The following PRG2 variants were observed in gnomAD, a reference collection of about 807,000 sequenced individuals.
PRG2 encodes proteoglycan 2, pro eosinophil major basic protein, also known as bone marrow proteoglycan.
Under a neutral mutation model 24.7 loss-of-function variants are expected in PRG2, and 23 were observed. The observed-to-expected ratio is 0.93, with a 90% CI of 0.67 to 1.32. PRG2 has a LOEUF of 1.32. PRG2 is among the 40% of genes most tolerant of loss of function. The pLI is 0.00. For missense variants in PRG2, 271 were observed against 280.9 expected (o/e 0.96, Z 0.25); for synonymous variants, 104 against 99.8 (o/e 1.04, Z -0.25).
At chr11:57,388,936 G>A (rs965899511) in intron 3 of PRG2, 74 bp downstream of exon 3, 13 of 1,535,718 alleles carry the variant, frequency 8.5e-6, no homozygotes, top group Non-Finnish European at 1.1e-5. Flanking sequence ...AAAAGAGCCA[G>A]TGATAGCAAT....
rs1372390113 is a variant in PRG2 at position 57,388,699 on chromosome 11, G to A, written c.376C>T (p.Arg126Trp). The change falls in exon 4 of 6, where the codon CGG becomes TGG. Residue 126 changes from arginine to tryptophan, a missense_variant. Physicochemically the swap from Arg to Trp is moderately radical, Grantham distance 101 (BLOSUM62 -3). Transcript: ENST00000311862. ...ACCAGGTTGCCCCTGTAGCACCTCC[G>A]GCAAGTAAACTACAGGGCAGGATAA... ...QTFSQAWFTC[R>W]RCYRGNLVSI... 17 of 1,613,840 alleles carry A rather than the reference G, an allele frequency of 1.1e-5. No homozygotes were observed. The highest frequency in any genetic ancestry group is 8.9e-5 in the East Asian group (4 of 44,886).
Position 57,389,313 on chromosome 11 carries a change from A to G in PRG2, c.63T>C (p.Ser21=). ...FGAVSALHLR[S]ETSTFETPLG... The stretch of plus-strand genomic sequence containing the variant: ...AAGGGGTCTCAAAGGTGGAAGTCTC[A>G]GACCCTGGCAGGGAGGATAGCTAAG... The change falls in exon 3 of 6, where the codon TCT becomes TCC. Residue 21 remains serine, a synonymous_variant. Coordinates refer to ENST00000311862, the MANE Select transcript of PRG2 (RefSeq NM_002728.6). 1 of 1,610,646 alleles carries G rather than the reference A, an allele frequency of 6.2e-7. No individual in the cohort carries two copies. The highest frequency in any genetic ancestry group is 2.2e-5 in the East Asian group (1 of 44,872).
At chr11:57,390,255 C>T (rs941683579) in intron 1 of PRG2, among the ~76,000 whole-genome samples, 1 of 152,076 alleles carries the variant, frequency 6.6e-6, no homozygotes. Context: ...TTAATGGGTC[C>T]CTCAGAGTCT....
rs972250787 is a variant in PRG2 at position 57,386,951 on chromosome 11, G to A, written c.*524C>T. The A allele has an allele frequency of 1.3e-5, 2 of 152,330 alleles. No homozygotes were observed. Among genetic ancestry groups the A allele is most frequent in the African/African-American group, 2.4e-5 (1 of 41,438 alleles). 9.4% of individuals were successfully genotyped at this position (152,330 alleles called of 1,614,324 possible). A position where few individuals can be genotyped will look rare whatever the true frequency, so the allele number is the denominator to read the frequency against. On this transcript the variant is annotated 3_prime_UTR_variant, in exon 6 of 6. Coordinates refer to ENST00000311862, the MANE Select transcript of PRG2 (RefSeq NM_002728.6). Reference sequence around the variant, plus strand: ...GATTTATTCCACTTGAGGGGCCGGGGATTGCGGTACTTATACATTCATTCC... The same window carrying A: ...GATTTATTCCACTTGAGGGGCCGGGAATTGCGGTACTTATACATTCATTCC...
At position 57,389,043 on chromosome 11, in the gene PRG2, C is replaced by G; in HGVS notation, c.333G>C (p.Leu111=). The G allele has an allele frequency of 6.2e-7, 1 of 1,614,116 alleles. No individual in the cohort carries two copies. The change falls in exon 3 of 6, where the codon CTG becomes CTC. Residue 111 remains leucine, a synonymous_variant. Coordinates refer to ENST00000311862, the MANE Select transcript of PRG2 (RefSeq NM_002728.6). ...IPGCQTCRYL[L]VRSLQTFSQA... is the part of the protein sequence containing the mutation. ...GACTAAACGTCTGAAGACTTCTCAC[C>G]AGGAGGTAGCGGCAGGTCTGGCACC...
Position 57,387,435 on chromosome 11 carries a change from C to G in PRG2, c.*40G>C. On this transcript the variant is annotated 3_prime_UTR_variant, in exon 6 of 6. Transcript: ENST00000311862. ...GCAAGCAGAGGAGGGGAGGCAGCTG[C>G]CCAGGAGAGGGCAGCTCTGAACTGC... is the stretch of plus-strand genomic sequence containing the variant. The G allele has an allele frequency of 2.5e-6, 4 of 1,583,940 alleles. No individual in the cohort carries two copies. Among genetic ancestry groups the G allele is most frequent in the Non-Finnish European group, 3.5e-6 (4 of 1,158,322 alleles).
intron 1 of PRG2, 111 bp from the exon 2 acceptor site, chr11:57,390,067 A>ATTTCT: frequency 1.1e-6 from 1 of 908,162 alleles, no homozygotes; most frequent in Non-Finnish European, 1.7e-6. Flanking sequence ...AGAAGGCCTG[A>ATTTCT]ATAGAAATCA....
intron 3 of PRG2, 103 bp from the exon 4 acceptor site, chr11:57,388,811 C>T: frequency 6.6e-7 from 1 of 1,519,318 alleles, no homozygotes; most frequent in South Asian, 1.3e-5. Flanking sequence ...CTGCCACAAC[C>T]ATTTGAAGGT....
intron 4 of PRG2, 27 bp downstream of exon 4, chr11:57,388,550 C>G (rs760953426): frequency 1.2e-6 from 2 of 1,612,444 alleles, no homozygotes; most frequent in Non-Finnish European, 1.7e-6. Context: ...GCAGGTGCAC[C>G]CCATTTAGTG....
At position 57,387,331 on chromosome 11, in the gene PRG2, A is replaced by T; in HGVS notation, c.*144T>A. On this transcript the variant is annotated 3_prime_UTR_variant, in exon 6 of 6. Transcript: ENST00000311862. ...AGAAGTTTCAATGAGGGCTAAGCAG[A>T]GTGGATCCGCGATCAGAGGAGAAAA... The T allele has an allele frequency of 2.8e-6, 2 of 705,486 alleles. No homozygotes were observed. The highest frequency in any genetic ancestry group is 4.8e-6 in the Non-Finnish European group (2 of 412,836). The allele number at this position is 705,486 out of a possible 1,614,324, so 43.7% of individuals were successfully genotyped here.
chr11:57,388,579 A>G lies in PRG2; in HGVS notation c.496T>C (p.Ser166Pro), dbSNP rs1203871800. 16 of 1,613,826 alleles carry G rather than the reference A, an allele frequency of 9.9e-6. No homozygotes were observed. Among genetic ancestry groups the G allele is most frequent in the Non-Finnish European group, 1.4e-5 (16 of 1,179,830 alleles). The change falls in exon 4 of 6, where the codon TCG becomes CCG. Residue 166 changes from serine to proline, a missense_variant and splice_region_variant. Transcript: ENST00000311862. ...TTTAGTGTTCACACTTCTCTTACCG[A>G]GCCTGTGATCCTGCCTCCAATCCAG... ...QVWIGGRITG[S>P]GRCRRFQWVD... is the part of the protein sequence containing the mutation.
At chr11:57,387,890 G>A (rs1446858111) in intron 4 of PRG2, 25 bp from the exon 5 acceptor site, 12 of 1,517,818 alleles carry the variant, frequency 7.9e-6, no homozygotes, top group South Asian at 1.2e-5. Context: ...AGGGGAAGAA[G>A]GGATGGGGCA....
Position 57,387,444 on chromosome 11 carries a change from GGGCAGCTCTGAA to G in PRG2, c.*19_*30del. On this transcript the variant is annotated 3_prime_UTR_variant, in exon 6 of 6. Coordinates refer to ENST00000311862, the MANE Select transcript of PRG2 (RefSeq NM_002728.6). Reference sequence around the variant, plus strand: ...GGAGGGGAGGCAGCTGCCCAGGAGAGGGCAGCTCTGAACTGCTGGCTGGGACCAGCTCAGTAG... The same window carrying G: ...GGAGGGGAGGCAGCTGCCCAGGAGAGCTGCTGGCTGGGACCAGCTCAGTAG... The G allele has an allele frequency of 6.2e-7, 1 of 1,604,086 alleles. No individual in the cohort carries two copies.
At chr11:57,388,875 C>A (rs1357008527) in intron 3 of PRG2, 135 bp downstream of exon 3, 1 of 1,427,068 alleles carries the variant, frequency 7.0e-7, no homozygotes, top group Non-Finnish European at 9.4e-7. Flanking sequence ...CTTACCCCAA[C>A]ACCTCTCTGA....
intron 5 of PRG2, 83 bp downstream of exon 5, chr11:57,387,671 G>T: frequency 1.4e-6 from 2 of 1,390,916 alleles, no homozygotes; most frequent in Non-Finnish European, 2.0e-6. Context: ...CCCACAAAGG[G>T]TCAGGCTCTT....
chr11:57,387,049 G>C lies in PRG2; in HGVS notation c.*426C>G, dbSNP rs954226950. On this transcript the variant is annotated 3_prime_UTR_variant, in exon 6 of 6. Transcript: ENST00000311862. The stretch of plus-strand genomic sequence containing the variant: ...AAAACCAACCACAGTTCTGGGGTTG[G>C]AGAGAGAGAGAGAAAAGGCCTTTGG... 1 of 156,242 alleles carries C rather than the reference G, an allele frequency of 6.4e-6. No homozygotes were observed. The highest frequency in any genetic ancestry group is 6.5e-5 in the Admixed American group (1 of 15,478). 9.7% of individuals were successfully genotyped at this position (156,242 alleles called of 1,614,324 possible).
At chr11:57,387,939 C>T in intron 4 of PRG2, 74 bp from the exon 5 acceptor site, 2 of 1,129,074 alleles carry the variant, frequency 1.8e-6, no homozygotes, top group Middle Eastern at 2.6e-4. Flanking sequence ...CCGTATCTGC[C>T]AGCTCTTTCT....
rs759000750 is a variant in PRG2, at chr11:57,388,712, C to T, written c.367-4G>A. On this transcript the variant is annotated splice_polypyrimidine_tract_variant and splice_region_variant and intron_variant, in intron 3 of 5. Transcript: ENST00000311862. ...TGTAGCACCTCCGGCAAGTAAACTA[C>T]AGGGCAGGATAAAAGACAAAGAATG... The T allele has an allele frequency of 1.2e-6, 2 of 1,613,974 alleles. No homozygotes were observed. The highest frequency in any genetic ancestry group is 1.1e-5 in the South Asian group (1 of 91,076).
chr11:57,388,755 G>A (rs1468012289), intron 3 of PRG2, 47 bp from the exon 4 acceptor site: 1 of 1,604,350 alleles, frequency 6.2e-7, no homozygotes, highest in Admixed American at 1.7e-5. Context: ...CTTCCTACAT[G>A]AATTCACATG....
Sources: allele counts gnomAD v4.1 joint callset (sites outside exome capture counted in the v4.1 genomes callset), GRCh38; gene constraint gnomAD v4.1.1; transcripts MANE v1.5; gene names NCBI Gene and HGNC (gene_info 2026-07-23, HGNC 2026-07-21).